The following DLK1 variants were observed in gnomAD, a reference collection of about 807,000 sequenced individuals.
The protein encoded by DLK1 is protein delta homolog 1.
Under a neutral mutation model 35.2 loss-of-function variants are expected in DLK1, and 9 were observed. The ratio of observed to expected loss-of-function variants is 0.26; its 90% CI spans 0.15 to 0.45. The LOEUF (loss-of-function observed/expected upper bound fraction) is 0.45, where lower values mean the gene tolerates loss of function less well. Among genes scored for constraint, DLK1 ranks in the 20% least tolerant of loss-of-function variants. DLK1 has a pLI of 1.00. For synonymous variants in DLK1, 231 were observed against 228.4 expected, an observed-to-expected ratio of 1.01 and a Z score of -0.10; for missense variants, 522 against 528.5, an observed-to-expected ratio of 0.99 and a Z score of 0.12.
intron 3 of DLK1, among the ~76,000 whole-genome samples, chr14:100,731,196 G>T (rs1418637168): frequency 1.3e-5 from 2 of 152,186 alleles, no homozygotes; most frequent in South Asian, 2.1e-4. Context: ...CAGGACAGGG[G>T]TCCCTTCCTG....
rs769140596 is a variant in DLK1, at chr14:100,732,161, G to A, written c.382G>A (p.Asp128Asn). ...GYSGKDCQKK[D>N]GPCVINGSPC... ...CTCGGGAAAGGACTGCCAGAAAAAG[G>A]ACGGGCCCTGTGTGATCAACGGGTA... Residue 128 changes from aspartate to asparagine, a missense_variant, in exon 4 of 5, where the codon GAC (aspartate) becomes AAC (asparagine). Coordinates refer to ENST00000341267, the MANE Select transcript of DLK1 (RefSeq NM_003836.7). 1 of 1,613,952 alleles carries A rather than the reference G, an allele frequency of 6.2e-7. No individual in the cohort carries two copies. Among genetic ancestry groups the A allele is most frequent in the Non-Finnish European group, 8.5e-7 (1 of 1,179,972 alleles).
At chr14:100,729,225 G>C in intron 3 of DLK1, 159 bp downstream of exon 3, 1 of 1,344,276 alleles carries the variant, frequency 7.4e-7, no homozygotes, top group Non-Finnish European at 1.0e-6. Context: ...AATTTCCTGT[G>C]GGTACCGAAT....
Position 100,734,727 on chromosome 14 carries a change from A to C in DLK1, c.983A>C (p.Asn328Thr). ...GGCACTGTGGGTATCGTCTTCCTCA[A>C]CAAGTGCGAGACCTGGGTGTCCAAC... ...VLGTVGIVFL[N>T]KCETWVSNLR... The change falls in exon 5 of 5, where the codon AAC becomes ACC. Residue 328 changes from asparagine (N) to threonine (T), a missense_variant. Coordinates refer to ENST00000341267, the MANE Select transcript of DLK1 (RefSeq NM_003836.7). This position sits in a 1 kb window ranked among gnomAD's most constrained non-coding sequence, Gnocchi z 7.4. The C allele has an allele frequency of 6.2e-7, 1 of 1,614,044 alleles. No individual in the cohort carries two copies. Among genetic ancestry groups the C allele is most frequent in the Non-Finnish European group, 8.5e-7 (1 of 1,180,016 alleles).
intron 1 of DLK1, among the ~76,000 whole-genome samples, chr14:100,727,665 C>T (rs1321487644): frequency 6.6e-6 from 1 of 152,200 alleles, no homozygotes; most frequent in East Asian, 1.9e-4. Context: ...GAGTTGCCCC[C>T]TTCCTGCAGC....
chr14:100,733,468 T>C (rs1297094165), intron 4 of DLK1, among the ~76,000 whole-genome samples: 2 of 152,228 alleles, frequency 1.3e-5, no homozygotes, highest in East Asian at 3.8e-4. Flanking sequence ...TTAAACAGCC[T>C]GGTACAGACG....
Position 100,734,688 on chromosome 14 carries a change from G to A in DLK1, c.944G>A (p.Ser315Asn), listed in dbSNP as rs1455187867. 6.2e-7 allele frequency: 1 copy of A among 1,614,124 alleles called. No homozygotes were observed. Among genetic ancestry groups the A allele is most frequent in the Middle Eastern group, 1.6e-4 (1 of 6,062 alleles). ...TTCACCATCCTGGGCGTGCTCACCA[G>A]CCTGGTGGTGCTGGGCACTGTGGGT... ...ICFTILGVLT[S>N]LVVLGTVGIV... Residue 315 changes from serine to asparagine, a missense_variant, in exon 5 of 5, where the codon AGC (serine) becomes AAC (asparagine). Transcript: ENST00000341267. The surrounding 1 kb of genome is among the most constrained non-coding windows in gnomAD (Gnocchi z 7.4).
At position 100,734,945 on chromosome 14, in the gene DLK1, A is replaced by T. The variant is rs753535246; in HGVS notation, c.*49A>T. ...AGATTCTTGGAGTTCCGCAGAGCTT[A>T]CTATACGCGGTCTGTCCTAATCTTT... On this transcript the variant is annotated 3_prime_UTR_variant, in exon 5 of 5. Coordinates refer to ENST00000341267, the MANE Select transcript of DLK1 (RefSeq NM_003836.7). The surrounding 1 kb of genome is among the most constrained non-coding windows in gnomAD (Gnocchi z 7.4). 6.6e-7 allele frequency: 1 copy of T among 1,524,008 alleles called. No individual in the cohort carries two copies. Among genetic ancestry groups the T allele is most frequent in the Middle Eastern group, 1.8e-4 (1 of 5,668 alleles). The allele number at this position is 1,524,008 out of a possible 1,614,324, so 94.4% of individuals were successfully genotyped here.
chr14:100,727,520 T>C lies in DLK1; in HGVS notation c.67+385T>C, dbSNP rs1595203989. 2.0e-5 allele frequency among the ~76,000 whole-genome samples: 3 copies of C among 151,376 alleles called. 1 individual carries two copies. Among genetic ancestry groups the C allele is most frequent in the Non-Finnish European group, 4.4e-5 (3 of 67,866 alleles). ...TCTGGAACAGGTCTCGGGGCGGGAG[T>C]GGGGGACGACTTTGCCGTCTTAGCC... On this transcript the variant is annotated intron_variant, in intron 1 of 4. Coordinates refer to ENST00000341267, the MANE Select transcript of DLK1 (RefSeq NM_003836.7).
chr14:100,730,070 C>T (rs2036490001), intron 3 of DLK1, among the ~76,000 whole-genome samples: 1 of 152,218 alleles, frequency 6.6e-6, no homozygotes. Context: ...GTTGTGGCCC[C>T]TGCCCTGTAC....
rs1595211487 is a variant in DLK1, at chr14:100,736,141, C to A, written c.*1245C>A. 6.6e-6 allele frequency: 1 copy of A among 151,038 alleles called. No individual in the cohort carries two copies. Among genetic ancestry groups the A allele is most frequent in the South Asian group, 2.1e-4 (1 of 4,754 alleles). 9.4% of individuals were successfully genotyped at this position (151,038 alleles called of 1,614,324 possible). A position where few individuals can be genotyped will look rare whatever the true frequency, so the allele number is the denominator to read the frequency against. ...TAATAATCCTCAGATCTCAAAAGAC[C>A]TAGCCAGCTTCTGAATTTTGAATTT... On this transcript the variant is annotated 3_prime_UTR_variant, in exon 5 of 5. Transcript: ENST00000341267.
At chr14:100,727,186 T>A in intron 1 of DLK1, 51 bp downstream of exon 1, 5 of 1,486,238 alleles carry the variant, frequency 3.4e-6, no homozygotes, top group Middle Eastern at 2.0e-4. Flanking sequence ...AGCCTGCGAC[T>A]CCCCGCCGGC....
rs761028470 is a variant in DLK1 at position 100,734,623 on chromosome 14, C to A, written c.879C>A (p.Asn293Lys). ...TGAAGGTGTCCATGAAAGAGCTCAA[C>A]AAGAAAACCCCTCTCCTCACCGAGG... ...RILKVSMKEL[N>K]KKTPLLTEGQ... Residue 293 changes from asparagine to lysine, a missense_variant, in exon 5 of 5, where the codon AAC becomes AAA. Coordinates refer to ENST00000341267, the MANE Select transcript of DLK1 (RefSeq NM_003836.7). The surrounding 1 kb of genome is among the most constrained non-coding windows in gnomAD (Gnocchi z 7.4). 2 of 1,614,032 alleles carry A rather than the reference C, an allele frequency of 1.2e-6. No homozygotes were observed. Among genetic ancestry groups the A allele is most frequent in the East Asian group, 2.2e-5 (1 of 44,878 alleles).
intron 3 of DLK1, 199 bp downstream of exon 3, chr14:100,729,265 C>T (rs1567020800): frequency 1.1e-6 from 1 of 921,360 alleles, no homozygotes; most frequent in African/African-American, 1.6e-5. Flanking sequence ...CTTTATTTTG[C>T]TCTTCTCTGC....
At chr14:100,727,711 G>C (rs974418410) in intron 1 of DLK1, among the ~76,000 whole-genome samples, 1 of 152,178 alleles carries the variant, frequency 6.6e-6, no homozygotes, top group African/African-American at 2.4e-5. Flanking sequence ...TTGTAAGGGG[G>C]CTGTCTAGAA....
At position 100,729,248 on chromosome 14, in the gene DLK1, G is replaced by A. The variant is rs1490821801; in HGVS notation, c.262+182G>A. ...GTGGGTACCGAATGCCTCCTCAGAGGTAGGGACTTTATTTTGCTCTTCTCT... is the reference window on the plus strand; with the variant it reads ...GTGGGTACCGAATGCCTCCTCAGAGATAGGGACTTTATTTTGCTCTTCTCT... On this transcript the variant is annotated intron_variant, in intron 3 of 4. Coordinates refer to ENST00000341267, the MANE Select transcript of DLK1 (RefSeq NM_003836.7). The A allele has an allele frequency of 5.6e-6, 6 of 1,076,186 alleles. No homozygotes were observed. The Admixed American group carries it at 6.0e-5, about 11-fold the overall frequency. 66.7% of individuals were successfully genotyped at this position (1,076,186 alleles called of 1,614,324 possible). A position where few individuals can be genotyped will look rare whatever the true frequency, so the allele number is the denominator to read the frequency against.
At position 100,729,300 on chromosome 14, in the gene DLK1, G is replaced by A. The variant is rs537167003; in HGVS notation, c.262+234G>A. ...CGCCATCAGCACCCAGCACCTAGAGGGAACATGGCGTGGGGGCCAGGGAGC... is the reference window on the plus strand; with the variant it reads ...CGCCATCAGCACCCAGCACCTAGAGAGAACATGGCGTGGGGGCCAGGGAGC... On this transcript the variant is annotated intron_variant, in intron 3 of 4. Coordinates refer to ENST00000341267, the MANE Select transcript of DLK1 (RefSeq NM_003836.7). 19 of 721,402 alleles carry A rather than the reference G, an allele frequency of 2.6e-5. No individual in the cohort carries two copies. The East Asian group carries it at 3.5e-4, about 13-fold the overall frequency. 44.7% of individuals were successfully genotyped at this position (721,402 alleles called of 1,614,324 possible).
At chr14:100,727,210 G>A in intron 1 of DLK1, 75 bp downstream of exon 1, 2 of 1,417,910 alleles carry the variant, frequency 1.4e-6, no homozygotes, top group East Asian at 2.7e-5. Context: ...CCGGTGCCCC[G>A]CACGCCCCGT....
At chr14:100,729,158 T>C in intron 3 of DLK1, 92 bp downstream of exon 3, 1 of 1,581,484 alleles carries the variant, frequency 6.3e-7, no homozygotes, top group Non-Finnish European at 8.6e-7. Flanking sequence ...TTGCTGGTGT[T>C]CCTCACTTCC....
In DLK1 at chr14:100,729,116, C is replaced by A. The variant is rs770716944; in HGVS notation, c.262+50C>A. 1.2e-5 allele frequency: 19 copies of A among 1,609,020 alleles called. No individual in the cohort carries two copies. In the East Asian group the frequency reaches 3.6e-4, roughly 30 times the overall value. On this transcript the variant is annotated intron_variant, in intron 3 of 4. Coordinates refer to ENST00000341267, the MANE Select transcript of DLK1 (RefSeq NM_003836.7). The stretch of plus-strand genomic sequence containing the variant: ...CAGCTCTGCGTCCTTACCTGCCTGC[C>A]CTAGCCCCTACCACCTCCTCCCAGT...
Sources: allele counts gnomAD v4.1 joint callset (sites outside exome capture counted in the v4.1 genomes callset), GRCh38; gene constraint gnomAD v4.1.1; non-coding constraint Gnocchi (gnomAD v3.1); transcripts MANE v1.5; gene names NCBI Gene and HGNC (gene_info 2026-07-23, HGNC 2026-07-21).